The following EVC variants were observed in gnomAD, a reference collection of about 807,000 sequenced individuals.
EVC encodes evC complex member EVC.
EVC carries 116 observed loss-of-function variants against 118.9 expected under a neutral mutation model. The observed-to-expected ratio is 0.98, with a 90% CI of 0.84 to 1.14. EVC has a LOEUF of 1.14. Ranked by LOEUF, EVC falls within the 50% of genes most tolerant of loss-of-function variation. EVC has a pLI of 0.00. For missense variants in EVC, 1,401 were observed against 1,246.4 expected, an observed-to-expected ratio of 1.12 and a Z score of -1.87; for synonymous variants, 619 against 534.7, an observed-to-expected ratio of 1.16 and a Z score of -2.18.
At chr4:5,741,874 C>T in intron 6 of EVC, 60 bp downstream of exon 6, 4 of 882,942 alleles carry the variant, frequency 4.5e-6, no homozygotes, top group Non-Finnish European at 7.0e-6. Context: ...ATATATACAA[C>T]TTATGATGCA....
chr4:5,787,833 C>T (rs1711988563), intron 12 of EVC, among the ~76,000 whole-genome samples: 1 of 152,102 alleles, frequency 6.6e-6, no homozygotes, highest in Non-Finnish European at 1.5e-5. Flanking sequence ...TCTGGCTCTG[C>T]ACCCCACTCC....
At chr4:5,770,426 G>T (rs1248102239) in intron 11 of EVC, among the ~76,000 whole-genome samples, 3 of 152,168 alleles carry the variant, frequency 2.0e-5, no homozygotes, top group Non-Finnish European at 4.4e-5. Context: ...CAGGGGCCAA[G>T]GACAGGCCAG....
chr4:5,778,533 A>G (rs1476502283), intron 11 of EVC, among the ~76,000 whole-genome samples: 155 of 151,958 alleles, frequency 1.0e-3, no homozygotes, highest in African/African-American at 1.5e-3. Flanking sequence ...TTGCCATTCT[A>G]ACTGGTGTGA....
chr4:5,803,977 A>C (rs1037267894), intron 16 of EVC, among the ~76,000 whole-genome samples: 2 of 150,168 alleles, frequency 1.3e-5, no homozygotes, highest in Non-Finnish European at 3.0e-5. Flanking sequence ...GTCTCACTCA[A>C]TCGCCCAGAC....
intron 2 of EVC, among the ~76,000 whole-genome samples, chr4:5,726,384 G>C (rs1725813785): frequency 6.6e-6 from 1 of 152,126 alleles, no homozygotes; most frequent in African/African-American, 2.4e-5. Context: ...ACAAAGTGCA[G>C]GGCTGGGGTG....
intron 7 of EVC, 89 bp from the exon 8 acceptor site, chr4:5,748,059 G>C (rs1729635278): frequency 4.5e-6 from 6 of 1,348,028 alleles, no homozygotes; most frequent in Non-Finnish European, 6.4e-6. Flanking sequence ...TTGTGATAGG[G>C]AGTGAATTGT....
intron 17 of EVC, among the ~76,000 whole-genome samples, chr4:5,806,945 G>C (rs181169001): frequency 1.2e-4 from 19 of 152,272 alleles, no homozygotes; most frequent in African/African-American, 4.3e-4. Context: ...GTGATGCTCA[G>C]AGTTTTTTCA....
Position 5,808,318 on chromosome 4 carries a change from C to G in EVC, c.2679C>G (p.Thr893=). The G allele has an allele frequency of 6.2e-7, 1 of 1,614,176 alleles. No individual in the cohort carries two copies. The highest frequency in any genetic ancestry group is 8.5e-7 in the Non-Finnish European group (1 of 1,180,046). ...VMDLLEAQLE[T]QLQEAEQNFI... is the part of the protein sequence containing the mutation. ...ACCTTCTGGAAGCCCAGCTGGAGAC[C>G]CAGCTACAGGTACAAGTTACAGAAC... Residue 893 remains threonine, a synonymous_variant, in exon 18 of 21, where the codon ACC becomes ACG. Coordinates refer to ENST00000264956, the MANE Select transcript of EVC (RefSeq NM_153717.3).
chr4:5,760,403 C>T (rs1731826206), intron 11 of EVC, among the ~76,000 whole-genome samples: 1 of 151,966 alleles, frequency 6.6e-6, no homozygotes, highest in African/African-American at 2.4e-5. Flanking sequence ...AACGTAACAT[C>T]AGGAGAGGGT....
intron 11 of EVC, among the ~76,000 whole-genome samples, chr4:5,780,922 A>G (rs1273389202): frequency 1.3e-5 from 2 of 152,224 alleles, no homozygotes; most frequent in Non-Finnish European, 2.9e-5. Flanking sequence ...TCCTCTCCCC[A>G]TGGAGTCACA....
chr4:5,811,055 G>A lies in EVC; in HGVS notation c.*18G>A. The A allele has an allele frequency of 6.3e-7, 1 of 1,596,004 alleles. No homozygotes were observed. The highest frequency in any genetic ancestry group is 8.6e-7 in the Non-Finnish European group (1 of 1,168,222). On this transcript the variant is annotated 3_prime_UTR_variant, in exon 21 of 21. Transcript: ENST00000264956. ...ACTTGTAGTTTAAGACCAGTCGGTG[G>A]GACAAGACCTGAAGCCCTGGGTCTG...
intron 1 of EVC, among the ~76,000 whole-genome samples, chr4:5,714,747 T>C (rs1357488366): frequency 2.0e-5 from 3 of 152,222 alleles, no homozygotes; most frequent in Non-Finnish European, 4.4e-5. Flanking sequence ...CCTTCTTTTC[T>C]TGCACAACAT....
chr4:5,734,376 C>T (rs952329901), intron 5 of EVC, among the ~76,000 whole-genome samples: 1 of 152,034 alleles, frequency 6.6e-6, no homozygotes, highest in Non-Finnish European at 1.5e-5. Context: ...CATGGTGGCT[C>T]ACGACTATAA....
At chr4:5,819,427 A>G in the EVC span, among the ~76,000 whole-genome samples, 35 of 152,216 alleles carry the variant, frequency 2.3e-4, no homozygotes, top group Non-Finnish European at 5.0e-4. Flanking sequence ...GGAGTGTTGC[A>G]GCTCAGTCTC....
At chr4:5,816,643 T>A (rs1717729863), downstream of EVC, among the ~76,000 whole-genome samples, 1 of 110,238 alleles carries the variant, frequency 9.1e-6, no homozygotes, top group African/African-American at 3.4e-5. Flanking sequence ...CCTTCCCCTC[T>A]CTCCCTTCCC....
At chr4:5,748,086 C>CTGTTT in intron 7 of EVC, 62 bp from the exon 8 acceptor site, 2 of 1,538,770 alleles carry the variant, frequency 1.3e-6, no homozygotes, top group Non-Finnish European at 1.8e-6. Flanking sequence ...CGAGCACGCA[C>CTGTTT]CGTTTGGCTT....
the EVC span, chr4:5,828,714 C>A: frequency 6.3e-7 from 1 of 1,598,854 alleles, no homozygotes; most frequent in East Asian, 2.2e-5. Flanking sequence ...TGCTCTGCCC[C>A]AAACGAGCTG....
At chr4:5,730,701 C>T (rs1256270314) in intron 3 of EVC, among the ~76,000 whole-genome samples, 2 of 151,836 alleles carry the variant, frequency 1.3e-5, no homozygotes, top group Non-Finnish European at 2.9e-5. Flanking sequence ...GGATCCACGC[C>T]TGGAGGAAGG....
At chr4:5,760,361 A>G (rs537170959) in intron 11 of EVC, among the ~76,000 whole-genome samples, 2 of 152,142 alleles carry the variant, frequency 1.3e-5, no homozygotes, top group African/African-American at 4.8e-5. Flanking sequence ...GGCCTGTGAG[A>G]GCTTCAGTGA....
Sources: gnomAD v4.1 joint callset for allele counts (sites outside exome capture counted in the v4.1 genomes callset) on GRCh38, gnomAD v4.1.1 for gene constraint, MANE v1.5 for transcripts, NCBI Gene and HGNC (gene_info 2026-07-23, HGNC 2026-07-21) for gene names.